Variants in SLC8A1 observed in about 807,000 individuals in gnomAD.
The protein encoded by SLC8A1 is solute carrier family 8 member A1, also known as sodium/calcium exchanger 1.
A neutral mutation model predicts 68.3 loss-of-function variants in SLC8A1; 18 were observed. That is an observed-to-expected ratio of 0.26 (90% CI 0.18 to 0.39). The LOEUF (loss-of-function observed/expected upper bound fraction) is 0.39. SLC8A1 is among the 10% of genes least tolerant of loss of function. The pLI is 1.00. For synonymous variants in SLC8A1, 475 were observed against 415.5 expected (o/e 1.14, Z -1.74); for missense variants, 985 against 1,156.7 (o/e 0.85, Z 2.15).
intron 7 of SLC8A1, among the ~76,000 whole-genome samples, chr2:40,132,306 C>G (rs996471524): frequency 1.3e-5 from 2 of 151,846 alleles, no homozygotes; most frequent in African/African-American, 4.8e-5. Context: ...TAAATATGGA[C>G]AAGTCATTTA....
chr2:40,315,447 T>TC (rs1207464337), intron 2 of SLC8A1, among the ~76,000 whole-genome samples: 6 of 151,684 alleles, frequency 4.0e-5, no homozygotes, highest in Non-Finnish European at 8.8e-5. Context: ...AATTTTTTTT[T>TC]TTTTTTTTGG....
intron 5 of SLC8A1, 40 bp downstream of exon 8, chr2:40,164,814 G>C: frequency 1.2e-6 from 2 of 1,610,634 alleles, no homozygotes; most frequent in Non-Finnish European, 1.7e-6. Context: ...TCTGTCCCAA[G>C]GTGAGACTGG....
exon 8 of SLC8A1, chr2:40,115,610 C>G: frequency 6.2e-7 from 1 of 1,609,116 alleles, no homozygotes. Context: ...GGGTGGCTGC[C>G]ACTTTGCTGG....
At chr2:40,193,744 A>T (rs1336191764) in intron 2 of SLC8A1, among the ~76,000 whole-genome samples, 1 of 152,074 alleles carries the variant, frequency 6.6e-6, no homozygotes, top group African/African-American at 2.4e-5. Flanking sequence ...TAAAGCTTGT[A>T]TTGTAGTGAA....
At chr2:40,125,318 G>C (rs1011864278) in intron 7 of SLC8A1, among the ~76,000 whole-genome samples, 1 of 152,158 alleles carries the variant, frequency 6.6e-6, no homozygotes, top group East Asian at 1.9e-4. Context: ...AAGAAGAGGA[G>C]ATAGCCTTGA....
At chr2:40,472,921 T>C (rs550413664) in intron 1 of SLC8A1, among the ~76,000 whole-genome samples, 31 of 152,292 alleles carry the variant, frequency 2.0e-4, no homozygotes, top group African/African-American at 7.0e-4. Context: ...GAATGCTCTC[T>C]AGAGACTGTC....
chr2:40,399,501 T>A (rs561677866), intron 2 of SLC8A1, among the ~76,000 whole-genome samples: 1 of 152,160 alleles, frequency 6.6e-6, no homozygotes, highest in Non-Finnish European at 1.5e-5. Context: ...AGGAATTTTA[T>A]GCAGGTCTGG....
At chr2:40,484,166 A>G (rs1172361366) in intron 1 of SLC8A1, among the ~76,000 whole-genome samples, 2 of 152,242 alleles carry the variant, frequency 1.3e-5, no homozygotes, top group Middle Eastern at 3.2e-3. Context: ...TCCCTTTGGG[A>G]GAAAATATTA....
chr2:40,393,707 G>C (rs1489973877), intron 2 of SLC8A1, among the ~76,000 whole-genome samples: 1 of 152,058 alleles, frequency 6.6e-6, no homozygotes, highest in Non-Finnish European at 1.5e-5. Context: ...TGTGTCATTT[G>C]ATTTGCCAAA....
intron 1 of SLC8A1, among the ~76,000 whole-genome samples, chr2:40,480,132 A>C (rs1704539392): frequency 6.6e-6 from 1 of 152,192 alleles, no homozygotes; most frequent in South Asian, 2.1e-4. Context: ...GAGAGGCCAG[A>C]AACATTTAAT....
At chr2:40,172,405 A>G (rs12988544) in intron 4 of SLC8A1, among the ~76,000 whole-genome samples, 1 of 152,172 alleles carries the variant, frequency 6.6e-6, no homozygotes, top group Non-Finnish European at 1.5e-5. Context: ...CTGCCATTTC[A>G]GATTACAGTT....
intron 2 of SLC8A1, among the ~76,000 whole-genome samples, chr2:40,327,672 G>A (rs2075982235): frequency 6.6e-6 from 1 of 152,112 alleles, no homozygotes; most frequent in Admixed American, 6.6e-5. Flanking sequence ...ATCAAATACT[G>A]CATGTTATCA....
intron 2 of SLC8A1, among the ~76,000 whole-genome samples, chr2:40,371,514 G>C (rs1268991362): frequency 6.6e-6 from 1 of 152,072 alleles, no homozygotes; most frequent in Non-Finnish European, 1.5e-5. Context: ...TTAAAACACA[G>C]AAGATGTTAG....
At position 40,216,913 on chromosome 2, in the gene SLC8A1, G is replaced by A. The variant is rs151232290; in HGVS notation, c.1809-39058C>T. Reference sequence around the variant, plus strand: ...CTGGATATTAGATCTTTGTCAGATGGATGGATCGCAAAAATTTTCTCCCAT... The same window carrying A: ...CTGGATATTAGATCTTTGTCAGATGAATGGATCGCAAAAATTTTCTCCCAT... On this transcript the variant is annotated intron_variant, in intron 2 of 7. Transcript: ENST00000406785. Among the ~76,000 whole-genome samples the A allele has an allele frequency of 9.6e-4, 146 of 152,194 alleles. 2 individuals carry two copies. The East Asian group carries it at 0.023, about 24-fold the overall frequency.
chr2:40,159,392 C>A (rs1379839879), intron 6 of SLC8A1, among the ~76,000 whole-genome samples: 2 of 152,080 alleles, frequency 1.3e-5, no homozygotes, highest in Admixed American at 6.6e-5. Flanking sequence ...TGCTCATATA[C>A]CTGCAGCTAA....
chr2:40,449,583 G>A lies in SLC8A1; in HGVS notation c.-25+2321C>T, dbSNP rs75385280. Among the ~76,000 whole-genome samples, 753 of 152,232 alleles carry A rather than the reference G, an allele frequency of 4.9e-3. 45 individuals carry two copies. The East Asian group carries it at 0.13, about 26-fold the overall frequency. ...TAATTTTATTGGGAGTCAAAGCACT[G>A]TTACTCCCATGCTCTTTTCTTCCCC... On this transcript the variant is annotated intron_variant, in intron 1 of 7. Transcript: ENST00000406785.
chr2:40,434,494 C>G (rs1559674655), intron 1 of SLC8A1, among the ~76,000 whole-genome samples: 1 of 152,134 alleles, frequency 6.6e-6, no homozygotes, highest in Non-Finnish European at 1.5e-5. Flanking sequence ...CTACTAAACT[C>G]TCCCCATTTT....
chr2:40,504,165 G>T (rs1281982957), intron 1 of SLC8A1, among the ~76,000 whole-genome samples: 1 of 151,796 alleles, frequency 6.6e-6, no homozygotes, highest in Non-Finnish European at 1.5e-5. Flanking sequence ...CCTATAGATA[G>T]TGAACTCAGT....
intron 1 of SLC8A1, among the ~76,000 whole-genome samples, chr2:40,431,034 T>G (rs1314666639): frequency 6.6e-6 from 1 of 152,220 alleles, no homozygotes; most frequent in African/African-American, 2.4e-5. Flanking sequence ...AAAGCATGTT[T>G]TGATGAGAGC....
Sources: allele counts gnomAD v4.1 joint callset (sites outside exome capture counted in the v4.1 genomes callset), GRCh38; gene constraint gnomAD v4.1.1; transcripts MANE v1.5; gene names NCBI Gene and HGNC (gene_info 2026-07-23, HGNC 2026-07-21).